SETD2: variants seen among roughly 807,000 people sequenced by gnomAD.
The protein encoded by SETD2 is histone-lysine N-methyltransferase SETD2.
A neutral mutation model predicts 242.1 loss-of-function variants in SETD2; 31 were observed. The ratio of observed to expected loss-of-function variants is 0.13; its 90% CI spans 0.10 to 0.17. SETD2 has a LOEUF of 0.17. SETD2 is among the 10% of genes least tolerant of loss of function. The pLI is 1.00. For synonymous variants in SETD2, 1,006 were observed against 1,066.5 expected, an observed-to-expected ratio of 0.94 and a Z score of 1.11; for missense variants, 2,481 against 3,046.3, an observed-to-expected ratio of 0.81 and a Z score of 4.37.
At chr3:47,069,015 G>C (rs752020726) in intron 12 of SETD2, among the ~76,000 whole-genome samples, 2 of 151,772 alleles carry the variant, frequency 1.3e-5, no homozygotes, top group Non-Finnish European at 2.9e-5. Context: ...GACTGGTCTC[G>C]AACTCCTGAC....
intron 13 of SETD2, 62 bp from the exon 14 acceptor site, chr3:47,062,408 T>G (rs2040377804): frequency 1.4e-6 from 2 of 1,433,568 alleles, no homozygotes; most frequent in Non-Finnish European, 1.9e-6. Context: ...TGGACTTTTC[T>G]CCATCATGAC....
rs1396144558 is a variant in SETD2 at position 47,127,453 on chromosome 3, T to A, written c.72-790A>T. The A allele has an allele frequency of 2.0e-5, 6 of 302,648 alleles. No homozygotes were observed. The East Asian group carries it at 6.4e-4, about 32-fold the overall frequency. 18.7% of individuals were successfully genotyped at this position (302,648 alleles called of 1,614,324 possible). ...GATTAACACATAAAATAAGGCTGGG[T>A]GTAGTGGCCCACACTTGTAATCCCA... is the stretch of plus-strand genomic sequence containing the variant. On this transcript the variant is annotated intron_variant, in intron 1 of 20. Coordinates refer to ENST00000409792, the MANE Select transcript of SETD2 (RefSeq NM_014159.7).
At chr3:47,058,458 A>AAAC (rs1553684319) in intron 14 of SETD2, among the ~76,000 whole-genome samples, 19 of 145,476 alleles carry the variant, frequency 1.3e-4, no homozygotes, top group Admixed American at 4.6e-4. Context: ...AAAAAAAAAA[A>AAAC]AAAAAACACA....
At chr3:47,048,314 A>G (rs1188560002) in intron 15 of SETD2, among the ~76,000 whole-genome samples, 1 of 152,152 alleles carries the variant, frequency 6.6e-6, no homozygotes. Context: ...GCTTGAACCC[A>G]GGAGGTAGAG....
In SETD2 at chr3:47,144,585, C is replaced by T. The variant is rs187518242; in HGVS notation, c.72-17922G>A. ...TTGAACCAGGGAGTCAGAGGTTGCA[C>T]TGAGCCGAGTTCGCACCACTGCACT... On this transcript the variant is annotated intron_variant, in intron 1 of 20. Coordinates refer to ENST00000409792, the MANE Select transcript of SETD2 (RefSeq NM_014159.7). Among the ~76,000 whole-genome samples the T allele has an allele frequency of 5.4e-3, 820 of 152,120 alleles. 23 individuals carry two copies. Among genetic ancestry groups the T allele is most frequent in the Admixed American group, 0.049 (753 of 15,268 alleles).
intron 14 of SETD2, among the ~76,000 whole-genome samples, chr3:47,061,091 A>G (rs1181664517): frequency 6.0e-4 from 92 of 152,120 alleles, no homozygotes; most frequent in African/African-American, 2.1e-3. Context: ...GGTGGCGGGC[A>G]CCTGTAGTTC....
At chr3:47,140,470 G>A (rs1431282524) in intron 1 of SETD2, among the ~76,000 whole-genome samples, 1 of 152,154 alleles carries the variant, frequency 6.6e-6, no homozygotes, top group Non-Finnish European at 1.5e-5. Context: ...TTAGCAAAAA[G>A]TGAGAGAGGA....
chr3:47,117,425 T>G (rs2042907466), intron 3 of SETD2, among the ~76,000 whole-genome samples: 1 of 152,108 alleles, frequency 6.6e-6, no homozygotes, highest in Admixed American at 6.6e-5. Context: ...CAGTTTCAAG[T>G]GTTAAAGTCA....
At chr3:47,126,319 A>C (rs538180541) in intron 2 of SETD2, among the ~76,000 whole-genome samples, 1 of 152,330 alleles carries the variant, frequency 6.6e-6, no homozygotes, top group African/African-American at 2.4e-5. Context: ...AAATACTTTT[A>C]AGAAACAGAA....
rs2106697740 is a variant in SETD2 at position 47,123,198 on chromosome 3, A to T, written c.1438T>A (p.Tyr480Asn). 1 of 1,588,154 alleles carries T rather than the reference A, an allele frequency of 6.3e-7. No homozygotes were observed. The highest frequency in any genetic ancestry group is 8.6e-7 in the Non-Finnish European group (1 of 1,165,192). The change falls in exon 3 of 21, where the codon TAC becomes AAC. Residue 480 changes from tyrosine (Y) to asparagine (N), a missense_variant. Coordinates refer to ENST00000409792, the MANE Select transcript of SETD2 (RefSeq NM_014159.7). The stretch of plus-strand genomic sequence containing the variant: ...TAGGATGATGTCCTTAGGTCTCTGT[A>T]AGAAGAGGAATGAGATGAGGTACGC... The part of the protein sequence containing the change: ...SRRTSSHSSS[Y>N]RDLRTSSYSK...
intron 18 of SETD2, among the ~76,000 whole-genome samples, chr3:47,027,565 A>T (rs1258839509): frequency 1.3e-5 from 2 of 151,974 alleles, no homozygotes; most frequent in Admixed American, 1.3e-4. Flanking sequence ...GTATAATAAT[A>T]ATAAAATTTA....
intron 3 of SETD2, among the ~76,000 whole-genome samples, chr3:47,117,278 A>AC (rs1559737500): frequency 4.7e-5 from 4 of 84,612 alleles, no homozygotes; most frequent in African/African-American, 2.2e-4. Context: ...AAAAAAAAAA[A>AC]AACAAACAAA....
chr3:47,127,578 T>G (rs1490927423), intron 1 of SETD2: 6 of 451,604 alleles, frequency 1.3e-5, no homozygotes, highest in Non-Finnish European at 2.7e-5. Context: ...AAATAATTTT[T>G]AGGCCAGGTG....
intron 1 of SETD2, among the ~76,000 whole-genome samples, chr3:47,162,819 T>TG (rs1451358399): frequency 3.3e-5 from 5 of 152,224 alleles, no homozygotes; most frequent in African/African-American, 9.6e-5. Context: ...TTCAAAACAA[T>TG]GGTCTCGTGA....
intron 12 of SETD2, among the ~76,000 whole-genome samples, chr3:47,072,849 AG>A (rs773274348): frequency 1.3e-4 from 20 of 151,482 alleles, no homozygotes; most frequent in Non-Finnish European, 2.4e-4. Context: ...CAGGAGGCTG[AG>A]GCAGGAGAAT....
At chr3:47,037,553 C>A (rs1487731028) in intron 18 of SETD2, 113 bp downstream of exon 18, 1 of 731,838 alleles carries the variant, frequency 1.4e-6, no homozygotes, top group African/African-American at 1.7e-5. Flanking sequence ...TTGATACATG[C>A]ATAGTCACTC....
intron 5 of SETD2, among the ~76,000 whole-genome samples, chr3:47,113,200 C>T (rs1203890312): frequency 6.6e-6 from 1 of 151,744 alleles, no homozygotes. Flanking sequence ...AACTCCCAGG[C>T]TCAAGCAGTC....
rs760178740 is a variant in SETD2, at chr3:47,084,179, T to C, written c.5601A>G (p.Glu1867=). 2.5e-6 allele frequency: 4 copies of C among 1,614,062 alleles called. No individual in the cohort carries two copies. In the East Asian group the frequency reaches 8.9e-5, roughly 36 times the overall value. Residue 1867 remains glutamate (E), a synonymous_variant, in exon 12 of 21, where the codon GAA becomes GAG. Transcript: ENST00000409792. ...GTTTCTTGGGAGTGTCTGTGTCAGC[T>C]TCTGTGCTCAGCTTGGTGGAAGGAT... ...TPDPSTKLST[E]ADTDTPKKLM... is the part of the protein sequence containing the mutation.
chr3:47,066,209 T>G (rs1257776367), intron 13 of SETD2, among the ~76,000 whole-genome samples: 1 of 152,098 alleles, frequency 6.6e-6, no homozygotes, highest in African/African-American at 2.4e-5. Context: ...TTACTTTATT[T>G]TAAGAATACA....
Sources: gnomAD v4.1 joint callset for allele counts (sites outside exome capture counted in the v4.1 genomes callset) on GRCh38, gnomAD v4.1.1 for gene constraint, MANE v1.5 for transcripts, NCBI Gene and HGNC (gene_info 2026-07-23, HGNC 2026-07-21) for gene names.